STK32B: variants seen among roughly 807,000 people sequenced by gnomAD.
The protein encoded by STK32B is serine/threonine kinase 32B.
In STK32B, 43 loss-of-function variants were observed where a neutral mutation model predicts 52.6. The ratio of observed to expected loss-of-function variants is 0.82; its 90% confidence interval spans 0.64 to 1.05. STK32B has a LOEUF of 1.05. Among genes scored for constraint, STK32B ranks in the 50% least tolerant of loss-of-function variants. STK32B has a pLI of 0.00. For missense variants in STK32B, 621 were observed against 534.6 expected, an observed-to-expected ratio of 1.16 and a Z score of -1.59; for synonymous variants, 238 against 204.3, an observed-to-expected ratio of 1.17 and a Z score of -1.41.
chr4:5,477,528 A>G (rs946378676), intron 11 of STK32B, among the ~76,000 whole-genome samples: 12 of 152,202 alleles, frequency 7.9e-5, no homozygotes, highest in African/African-American at 2.9e-4. Flanking sequence ...CTCTGAGTCC[A>G]TAACCAGGTA....
chr4:5,122,229 CACTCATTCACTCACATTT>C (rs1364975448), intron 1 of STK32B, among the ~76,000 whole-genome samples: 1 of 152,242 alleles, frequency 6.6e-6, no homozygotes, highest in East Asian at 1.9e-4. Flanking sequence ...CTCGCTTATT[CACTCATTCACTCACATTT>C]ACTCATTTAC....
chr4:5,488,813 CTT>C (rs1306432924), intron 11 of STK32B, among the ~76,000 whole-genome samples: 1 of 152,048 alleles, frequency 6.6e-6, no homozygotes, highest in African/African-American at 2.4e-5. Flanking sequence ...TCTTTTATAT[CTT>C]GTTTCTATTT....
At position 5,467,046 on chromosome 4, in the gene STK32B, A is replaced by G. The variant is rs530113854; in HGVS notation, c.1041+212A>G. Among the ~76,000 whole-genome samples the G allele has an allele frequency of 6.6e-6, 1 of 152,320 alleles. No individual in the cohort carries two copies. The highest frequency in any genetic ancestry group is 1.9e-4 in the East Asian group (1 of 5,174). ...CTGGCATTCCTTGAGCGCTATTCCT[A>G]CAGCAGGAAGCTTGTGTAGCTCTAA... On this transcript the variant is annotated intron_variant, in intron 10 of 11. Transcript: ENST00000282908. This position sits in a 1 kb window ranked among gnomAD's most constrained non-coding sequence, Gnocchi z 5.8.
intron 3 of STK32B, among the ~76,000 whole-genome samples, chr4:5,226,986 T>C (rs969145137): frequency 6.6e-6 from 1 of 152,228 alleles, no homozygotes; most frequent in African/African-American, 2.4e-5. Context: ...TGCCATTGTT[T>C]GCATTCTTGC....
rs1337364634 is a variant in STK32B at position 5,243,508 on chromosome 4, A to G, written c.260+75058A>G. On this transcript the variant is annotated intron_variant, in intron 3 of 11. Transcript: ENST00000282908. ...GACGATGGGGTTTTCTAGGTATACA[A>G]TCATGTCATCTGCAAACAGGGACAA... 4.6e-5 allele frequency among the ~76,000 whole-genome samples: 7 copies of G among 152,284 alleles called. No individual in the cohort carries two copies. In the East Asian group the frequency reaches 1.4e-3, roughly 29 times the overall value.
chr4:5,403,063 T>C lies in STK32B; in HGVS notation c.472+4819T>C, dbSNP rs60797967. Among the ~76,000 whole-genome samples, 604 of 152,296 alleles carry C rather than the reference T, an allele frequency of 4.0e-3. 5 individuals are homozygous for C. Among genetic ancestry groups the C allele is most frequent in the African/African-American group, 0.014 (587 of 41,544 alleles). ...TGTTTTCTTTATTTAATATTCCATT[T>C]CTTGTATTTTCTGTATTCTGAAGCT... On this transcript the variant is annotated intron_variant, in intron 5 of 11. Coordinates refer to ENST00000282908, the MANE Select transcript of STK32B (RefSeq NM_018401.3).
At chr4:5,230,176 C>G (rs1433360504) in intron 3 of STK32B, among the ~76,000 whole-genome samples, 2 of 101,604 alleles carry the variant, frequency 2.0e-5, no homozygotes, top group Non-Finnish European at 3.8e-5. Context: ...AGCATGCATT[C>G]CCTTTTTTTT....
At chr4:5,080,507 G>C (rs933339622) in intron 1 of STK32B, among the ~76,000 whole-genome samples, 1 of 151,882 alleles carries the variant, frequency 6.6e-6, no homozygotes. Context: ...GTCCCTCTCT[G>C]GTCTTCATTT....
intron 3 of STK32B, among the ~76,000 whole-genome samples, chr4:5,196,866 C>G (rs903490172): frequency 6.6e-6 from 1 of 152,186 alleles, no homozygotes; most frequent in Non-Finnish European, 1.5e-5. Context: ...CAGCACTCCA[C>G]GGCCCTAGAC....
In STK32B at chr4:5,051,806, C is replaced by T. The variant is rs1741793999; in HGVS notation, c.-58C>T. On this transcript the variant is annotated 5_prime_UTR_variant, in exon 1 of 12. Coordinates refer to ENST00000282908, the MANE Select transcript of STK32B (RefSeq NM_018401.3). Reference sequence around the variant, plus strand: ...ATCCCGCATCTCTGCGCGCGTCCCACATCCCGCATCCGGCATCCCAGCGGC... The same window carrying T: ...ATCCCGCATCTCTGCGCGCGTCCCATATCCCGCATCCGGCATCCCAGCGGC... 1 of 1,558,060 alleles carries T rather than the reference C, an allele frequency of 6.4e-7. No homozygotes were observed. Among genetic ancestry groups the T allele is most frequent in the Non-Finnish European group, 8.7e-7 (1 of 1,151,584 alleles).
chr4:5,491,005 G>C (rs28369129), intron 11 of STK32B, among the ~76,000 whole-genome samples: 2 of 152,138 alleles, frequency 1.3e-5, no homozygotes, highest in Non-Finnish European at 1.5e-5. Context: ...CTAAGTCTTT[G>C]CTATTGTGAA....
rs774562560 is a variant in STK32B, at chr4:5,466,783, G to A, written c.990G>A (p.Lys330=). The A allele has an allele frequency of 6.2e-7, 1 of 1,614,028 alleles. No homozygotes were observed. Among genetic ancestry groups the A allele is most frequent in the South Asian group, 1.1e-5 (1 of 91,066 alleles). ...CCAAGCCACTTCACAAAAAGAAGAA[G>A]CGATTGGCAAAGAACAGATCCAGGG... is the stretch of plus-strand genomic sequence containing the variant. The part of the protein sequence containing the change: ...LESKPLHKKK[K]RLAKNRSRDG... The change falls in exon 10 of 12, where the codon AAG becomes AAA. Residue 330 remains lysine, a synonymous_variant. Coordinates refer to ENST00000282908, the MANE Select transcript of STK32B (RefSeq NM_018401.3).
intron 2 of STK32B, among the ~76,000 whole-genome samples, chr4:5,149,916 A>C (rs1254686953): frequency 6.6e-6 from 1 of 151,748 alleles, no homozygotes; most frequent in Non-Finnish European, 1.5e-5. Context: ...TCTCCTCTTA[A>C]TTTATTCTCT....
Position 5,362,318 on chromosome 4 carries a change from A to C in STK32B, c.434+30925A>C, listed in dbSNP as rs374164068. Among the ~76,000 whole-genome samples the C allele has an allele frequency of 3.9e-5, 6 of 152,282 alleles. No individual in the cohort carries two copies. The East Asian group carries it at 1.2e-3, about 29-fold the overall frequency. The stretch of plus-strand genomic sequence containing the variant: ...TTATGCACTCATGATCTATTTGTAA[A>C]TTGTCAAGTGCCCCAATTCTTCCTC... On this transcript the variant is annotated intron_variant, in intron 4 of 11. Transcript: ENST00000282908.
chr4:5,353,194 T>C (rs1733948369), intron 4 of STK32B, among the ~76,000 whole-genome samples: 1 of 152,226 alleles, frequency 6.6e-6, no homozygotes, highest in Non-Finnish European at 1.5e-5. Context: ...AGGAGAACTG[T>C]ATATCATATG....
chr4:5,398,068 C>T lies in STK32B; in HGVS notation c.435-139C>T, dbSNP rs1737034569. 2.6e-6 allele frequency: 2 copies of T among 771,280 alleles called. No individual in the cohort carries two copies. The highest frequency in any genetic ancestry group is 3.5e-5 in the African/African-American group (2 of 57,406). 47.8% of individuals were successfully genotyped at this position (771,280 alleles called of 1,614,324 possible). ...CCCATTATCTTACCAATTATTCTCCCACTCCATGTCTGAGGCTTCAGGTCA... is the reference window on the plus strand; with the variant it reads ...CCCATTATCTTACCAATTATTCTCCTACTCCATGTCTGAGGCTTCAGGTCA... On this transcript the variant is annotated intron_variant, in intron 4 of 11. Coordinates refer to ENST00000282908, the MANE Select transcript of STK32B (RefSeq NM_018401.3). This position sits in a 1 kb window ranked among gnomAD's most constrained non-coding sequence, Gnocchi z 4.9.
At chr4:5,151,197 A>G (rs994080281) in intron 2 of STK32B, among the ~76,000 whole-genome samples, 1 of 152,220 alleles carries the variant, frequency 6.6e-6, no homozygotes, top group African/African-American at 2.4e-5. Flanking sequence ...ACAAATGTCA[A>G]GTATTCAGCA....
intron 6 of STK32B, among the ~76,000 whole-genome samples, chr4:5,424,375 G>A (rs1712902223): frequency 6.6e-6 from 1 of 152,176 alleles, no homozygotes; most frequent in African/African-American, 2.4e-5. Flanking sequence ...GAAGCCTGGG[G>A]GCTGGGTCAC....
chr4:5,413,937 G>C (rs533177543), intron 5 of STK32B, among the ~76,000 whole-genome samples: 1 of 152,144 alleles, frequency 6.6e-6, no homozygotes, highest in African/African-American at 2.4e-5. Flanking sequence ...CATAATATGC[G>C]TACCCTTGGT....
Sources: allele counts gnomAD v4.1 joint callset (sites outside exome capture counted in the v4.1 genomes callset), GRCh38; gene constraint gnomAD v4.1.1; non-coding constraint Gnocchi (gnomAD v3.1); transcripts MANE v1.5; gene names NCBI Gene and HGNC (gene_info 2026-07-23, HGNC 2026-07-21).